Variants in RYR2 observed in about 807,000 individuals in gnomAD.
The protein encoded by RYR2 is ryanodine receptor 2.
In RYR2, 227 loss-of-function variants were observed where a neutral mutation model predicts 601.1. The ratio of observed to expected loss-of-function variants is 0.38; its 90% CI spans 0.34 to 0.42. The LOEUF is 0.42. RYR2 is among the 10% of genes least tolerant of loss of function. The pLI is 1.00. For missense variants in RYR2, 4,646 were observed against 6,156.5 expected (o/e 0.75, Z 8.21); for synonymous variants, 2,223 against 2,175.1 (o/e 1.02, Z -0.61).
intron 83 of RYR2, 114 bp downstream of exon 83, chr1:237,759,966 A>G (rs940081570): frequency 1.1e-5 from 8 of 719,270 alleles, no homozygotes; most frequent in Non-Finnish European, 9.9e-6. Context: ...GATTAACAAC[A>G]CTTTAAAGTG....
chr1:237,401,376 C>A (rs1469602155), intron 10 of RYR2, among the ~76,000 whole-genome samples: 1 of 151,914 alleles, frequency 6.6e-6, no homozygotes, highest in Non-Finnish European at 1.5e-5. Flanking sequence ...ATCCCCAGAC[C>A]ACTTGCGGTT....
chr1:237,124,643 G>A (rs1190130998), intron 1 of RYR2, among the ~76,000 whole-genome samples: 1 of 152,194 alleles, frequency 6.6e-6, no homozygotes, highest in Non-Finnish European at 1.5e-5. Flanking sequence ...GCAATGGCTA[G>A]TAGAGTCTTT....
At chr1:237,087,221 C>T (rs932524097) in intron 1 of RYR2, among the ~76,000 whole-genome samples, 2 of 152,148 alleles carry the variant, frequency 1.3e-5, no homozygotes. Flanking sequence ...AGCATCTGGG[C>T]CAGGAGAATA....
intron 2 of RYR2, among the ~76,000 whole-genome samples, chr1:237,306,207 T>C (rs1693847188): frequency 5.3e-5 from 8 of 152,342 alleles, no homozygotes; most frequent in African/African-American, 1.9e-4. Flanking sequence ...TTAATAATTT[T>C]CTATCTGTTT....
chr1:237,623,797 A>C lies in RYR2; in HGVS notation c.5949A>C (p.Lys1983Asn), dbSNP rs1181887323. ...TGCTTCTCAATTTTAAGGATGACAAAAGTGAATGTCCATGTCCAGAAGAAA... is the reference window on the plus strand; with the variant it reads ...TGCTTCTCAATTTTAAGGATGACAACAGTGAATGTCCATGTCCAGAAGAAA... The part of the protein sequence containing the change: ...INMLLNFKDD[K>N]SECPCPEEIR... Residue 1983 changes from lysine (K) to asparagine (N), a missense_variant, in exon 39 of 105, where the codon AAA becomes AAC. By Grantham distance (94) the Lys-to-Asn change is moderately conservative. Coordinates refer to ENST00000366574, the MANE Select transcript of RYR2 (RefSeq NM_001035.3). 5 of 1,612,962 alleles carry C rather than the reference A, an allele frequency of 3.1e-6. No homozygotes were observed. The highest frequency in any genetic ancestry group is 3.3e-5 in the Admixed American group (2 of 59,972).
chr1:237,199,215 G>A lies in RYR2; in HGVS notation c.49-71282G>A, dbSNP rs750223642. ...AACAGGATAGATGTATATATGAAGG[G>A]GAATTTAGTAACGAGTGCTGACTCA... On this transcript the variant is annotated intron_variant, in intron 1 of 104. Transcript: ENST00000366574. Among the ~76,000 whole-genome samples, 4 of 152,104 alleles carry A rather than the reference G, an allele frequency of 2.6e-5. No homozygotes were observed. In the East Asian group the frequency reaches 7.7e-4, roughly 29 times the overall value.
chr1:237,419,514 A>G (rs895074236), intron 11 of RYR2, among the ~76,000 whole-genome samples: 1 of 152,196 alleles, frequency 6.6e-6, no homozygotes, highest in Non-Finnish European at 1.5e-5. Flanking sequence ...TAATCAATAT[A>G]TAGAAAGGAG....
At chr1:237,733,825 G>A in intron 79 of RYR2, 69 bp downstream of exon 79, 1 of 1,073,980 alleles carries the variant, frequency 9.3e-7, no homozygotes, top group South Asian at 1.3e-5. Flanking sequence ...ATCTGAAAAG[G>A]ATAAGAATCT....
chr1:237,437,508 G>A (rs1298866971), intron 12 of RYR2, among the ~76,000 whole-genome samples: 1 of 152,164 alleles, frequency 6.6e-6, no homozygotes, highest in Admixed American at 6.5e-5. Flanking sequence ...TCTGACATTT[G>A]CAGGCTGTTC....
intron 10 of RYR2, among the ~76,000 whole-genome samples, chr1:237,393,415 A>G (rs1430723132): frequency 6.6e-6 from 1 of 152,146 alleles, no homozygotes; most frequent in Admixed American, 6.5e-5. Context: ...CATGAGATGG[A>G]TTGGATGTAA....
At chr1:237,644,562 G>GA (rs1264975877) in intron 48 of RYR2, among the ~76,000 whole-genome samples, 1 of 152,166 alleles carries the variant, frequency 6.6e-6, no homozygotes, top group Non-Finnish European at 1.5e-5. Context: ...TGAGTAAGGA[G>GA]AAAATGTTTT....
intron 24 of RYR2, among the ~76,000 whole-genome samples, chr1:237,516,653 T>G (rs1666577844): frequency 6.6e-6 from 1 of 152,206 alleles, no homozygotes; most frequent in Admixed American, 6.5e-5. Context: ...AGAAGTGACC[T>G]AGACCTATAT....
chr1:237,642,122 G>A lies in RYR2; in HGVS notation c.7221+1120G>A, dbSNP rs921077893. ...TGTAAGTATATTTCTAAAGTGGGAT[G>A]AGCATGAAGCCAGGGCTTTCTTACA... On this transcript the variant is annotated intron_variant, in intron 47 of 104. Transcript: ENST00000366574. 2.0e-5 allele frequency among the ~76,000 whole-genome samples: 3 copies of A among 152,182 alleles called. 1 individual carries two copies. The highest frequency in any genetic ancestry group is 7.2e-5 in the African/African-American group (3 of 41,452).
At chr1:237,372,788 T>C (rs1299920862) in intron 6 of RYR2, among the ~76,000 whole-genome samples, 1 of 152,172 alleles carries the variant, frequency 6.6e-6, no homozygotes, top group African/African-American at 2.4e-5. Context: ...GCCTGGGATA[T>C]TTTGCATAAT....
intron 25 of RYR2, among the ~76,000 whole-genome samples, chr1:237,543,433 A>G (rs1341925707): frequency 6.6e-6 from 1 of 152,212 alleles, no homozygotes. Flanking sequence ...TATTCTCTAT[A>G]TGTTTTCTGT....
intron 2 of RYR2, among the ~76,000 whole-genome samples, chr1:237,308,482 T>A (rs1221399748): frequency 6.6e-6 from 1 of 152,212 alleles, no homozygotes; most frequent in Non-Finnish European, 1.5e-5. Flanking sequence ...GGATCTGGAT[T>A]TGTGTCTGGA....
At chr1:237,768,488 C>T (rs935999471) in intron 84 of RYR2, among the ~76,000 whole-genome samples, 3 of 152,062 alleles carry the variant, frequency 2.0e-5, no homozygotes, top group African/African-American at 7.2e-5. Context: ...AATCTTAAGC[C>T]TCTTATAACA....
intron 27 of RYR2, among the ~76,000 whole-genome samples, chr1:237,558,202 G>T (rs761314568): frequency 1.3e-5 from 2 of 152,182 alleles, no homozygotes; most frequent in Non-Finnish European, 2.9e-5. Context: ...AGTAAAGATT[G>T]AAGACGCTGC....
intron 99 of RYR2, 78 bp downstream of exon 99, chr1:237,806,361 T>G: frequency 7.3e-7 from 1 of 1,363,216 alleles, no homozygotes; most frequent in Admixed American, 2.0e-5. Context: ...AAACTACCCC[T>G]CAAATGACAA....
Sources: allele counts gnomAD v4.1 joint callset (sites outside exome capture counted in the v4.1 genomes callset), GRCh38; gene constraint gnomAD v4.1.1; transcripts MANE v1.5; gene names NCBI Gene and HGNC (gene_info 2026-07-23, HGNC 2026-07-21).